CCR8: variants seen among roughly 807,000 people sequenced by gnomAD.
The protein encoded by CCR8 is C-C motif chemokine receptor 8, also known as C-C chemokine receptor type 8.
For synonymous variants in CCR8, 156 were observed against 165.7 expected, an observed-to-expected ratio of 0.94 and a Z score of 0.45; for missense variants, 358 against 417.5, an observed-to-expected ratio of 0.86 and a Z score of 1.24.
intron 1 of CCR8, 150 bp from the exon 2 acceptor site, chr3:39,332,168 C>T (rs1301522759): frequency 1.6e-6 from 1 of 606,168 alleles, no homozygotes; most frequent in Non-Finnish European, 2.9e-6. Context: ...TAGTCTCACC[C>T]ACTCCAAATA....
At position 39,333,137 on chromosome 3, in the gene CCR8, T is replaced by G; in HGVS notation, c.806T>G (p.Leu269Trp). The G allele has an allele frequency of 6.2e-7, 1 of 1,614,120 alleles. No homozygotes were observed. Among genetic ancestry groups the G allele is most frequent in the Non-Finnish European group, 8.5e-7 (1 of 1,180,006 alleles). Residue 269 changes from leucine to tryptophan, a missense_variant, in exon 2 of 2, where the codon TTG becomes TGG. By Grantham distance (61) the Leu-to-Trp change is moderately conservative. Coordinates refer to ENST00000326306, the MANE Select transcript of CCR8 (RefSeq NM_005201.4). ...FLTSLHSMHILDGCSISQQLT... is the reference protein window; with the variant it reads ...FLTSLHSMHIWDGCSISQQLT... The stretch of plus-strand genomic sequence containing the variant: ...ACTTCCTTGCACAGTATGCACATCT[T>G]GGATGGATGTAGCATAAGCCAACAG...
At chr3:39,330,343 C>T (rs909250566) in intron 1 of CCR8, among the ~76,000 whole-genome samples, 1 of 152,104 alleles carries the variant, frequency 6.6e-6, no homozygotes, top group African/African-American at 2.4e-5. Flanking sequence ...ATCACACCTG[C>T]GTATAACTAC....
At position 39,333,674 on chromosome 3, in the gene CCR8, T is replaced by A. The variant is rs1185276953; in HGVS notation, c.*275T>A. ...GAAAAAAAAAGATGTCTGACCTCCT[T>A]ACATATGCAAAAATATACCTTCAGA... is the stretch of plus-strand genomic sequence containing the variant. On this transcript the variant is annotated 3_prime_UTR_variant, in exon 2 of 2. Transcript: ENST00000326306. Among the ~76,000 whole-genome samples the A allele has an allele frequency of 6.6e-6, 1 of 152,116 alleles. No homozygotes were observed. Among genetic ancestry groups the A allele is most frequent in the African/African-American group, 2.4e-5 (1 of 41,398 alleles).
intron 1 of CCR8, among the ~76,000 whole-genome samples, chr3:39,331,056 G>T (rs2041251376): frequency 6.6e-6 from 1 of 151,888 alleles, no homozygotes; most frequent in Non-Finnish European, 1.5e-5. Context: ...GAGAAAAAAA[G>T]AAGGAAGGAA....
In CCR8 at chr3:39,332,961, A is replaced by T. The variant is rs777357500; in HGVS notation, c.630A>T (p.Pro210=). 3.7e-6 allele frequency: 6 copies of T among 1,614,140 alleles called. No homozygotes were observed. Among genetic ancestry groups the T allele is most frequent in the Non-Finnish European group, 5.1e-6 (6 of 1,180,000 alleles). The stretch of plus-strand genomic sequence containing the variant: ...TGAACATTTTAGGCTTGTTGATCCC[A>T]TTCACCATCTTTATGTTCTGCTACA... The part of the protein sequence containing the change: ...FKMNILGLLI[P]FTIFMFCYIK... Residue 210 remains proline, a synonymous_variant, in exon 2 of 2, where the codon CCA becomes CCT. Transcript: ENST00000326306.
chr3:39,332,625 G>A lies in CCR8; in HGVS notation c.294G>A (p.Gln98=). The part of the protein sequence containing the change: ...FPFQTYYLLD[Q]WVFGTVMCKV... ...TTCAGACCTACTATCTGCTGGACCA[G>A]TGGGTGTTTGGGACTGTAATGTGCA... Residue 98 remains glutamine, a synonymous_variant, in exon 2 of 2, where the codon CAG becomes CAA. Coordinates refer to ENST00000326306, the MANE Select transcript of CCR8 (RefSeq NM_005201.4). 1.2e-6 allele frequency: 2 copies of A among 1,614,162 alleles called. No homozygotes were observed. Among genetic ancestry groups the A allele is most frequent in the Non-Finnish European group, 1.7e-6 (2 of 1,180,020 alleles).
At chr3:39,330,318 A>G (rs558194218) in intron 1 of CCR8, among the ~76,000 whole-genome samples, 1 of 152,330 alleles carries the variant, frequency 6.6e-6, no homozygotes, top group Non-Finnish European at 1.5e-5. Context: ...CCCAGAAGTC[A>G]GGGCTTTGTG....
Position 39,333,641 on chromosome 3 carries a change from T to C in CCR8, c.*242T>C, listed in dbSNP as rs2041273981. The C allele has an allele frequency of 1.0e-5, 5 of 486,512 alleles. No homozygotes were observed. The highest frequency in any genetic ancestry group is 1.5e-5 in the Non-Finnish European group (4 of 266,954). 30.1% of individuals were successfully genotyped at this position (486,512 alleles called of 1,614,324 possible). A position where few individuals can be genotyped will look rare whatever the true frequency, so the allele number is the denominator to read the frequency against. On this transcript the variant is annotated 3_prime_UTR_variant, in exon 2 of 2. Coordinates refer to ENST00000326306, the MANE Select transcript of CCR8 (RefSeq NM_005201.4). ...AGTGGTAACTTTAAAGGATTCTGTATGCCAAGTGAAAAAAAAAGATGTCTG... is the reference window on the plus strand; with the variant it reads ...AGTGGTAACTTTAAAGGATTCTGTACGCCAAGTGAAAAAAAAAGATGTCTG...
intron 1 of CCR8, among the ~76,000 whole-genome samples, chr3:39,331,572 T>C (rs1213944176): frequency 2.6e-5 from 4 of 151,910 alleles, no homozygotes; most frequent in African/African-American, 9.7e-5. Flanking sequence ...GTTCAAGAAA[T>C]TGTCGTGCCT....
chr3:39,331,535 C>T (rs980840029), intron 1 of CCR8, among the ~76,000 whole-genome samples: 2 of 151,990 alleles, frequency 1.3e-5, no homozygotes, highest in Non-Finnish European at 2.9e-5. Flanking sequence ...GGCTTGATCT[C>T]GAGTCATTGC....
In CCR8 at chr3:39,332,769, G is replaced by A. The variant is rs756158083; in HGVS notation, c.438G>A (p.Thr146=). Reference sequence around the variant, plus strand: ...CCGTGTATGCCCTAAAGGTGAGGACGATCAGGATGGGCACAACGCTGTGCC... The same window carrying A: ...CCGTGTATGCCCTAAAGGTGAGGACAATCAGGATGGGCACAACGCTGTGCC... The part of the protein sequence containing the change: ...VHAVYALKVR[T]IRMGTTLCLA... Residue 146 remains threonine, a synonymous_variant, in exon 2 of 2, where the codon ACG becomes ACA. Transcript: ENST00000326306. The A allele has an allele frequency of 8.7e-6, 14 of 1,614,028 alleles. No homozygotes were observed. Among genetic ancestry groups the A allele is most frequent in the African/African-American group, 2.7e-5 (2 of 74,914 alleles).
intron 1 of CCR8, among the ~76,000 whole-genome samples, chr3:39,330,736 A>C (rs1302092124): frequency 6.6e-6 from 1 of 152,186 alleles, no homozygotes; most frequent in African/African-American, 2.4e-5. Flanking sequence ...ATGCAGATAT[A>C]TCTCTAAAAC....
Position 39,332,310 on chromosome 3 carries a change from G to A in CCR8, c.-14-8G>A, listed in dbSNP as rs1004665543. ...GAGTGAATGTCTTTTATGTGTCTCT[G>A]TGACCAGGTCCCGCTGCCTTGATGG... is the stretch of plus-strand genomic sequence containing the variant. On this transcript the variant is annotated splice_region_variant and splice_polypyrimidine_tract_variant and intron_variant, in intron 1 of 1. Coordinates refer to ENST00000326306, the MANE Select transcript of CCR8 (RefSeq NM_005201.4). The A allele has an allele frequency of 6.7e-7, 1 of 1,497,882 alleles. No homozygotes were observed. The highest frequency in any genetic ancestry group is 9.3e-7 in the Non-Finnish European group (1 of 1,077,958). The allele number at this position is 1,497,882 out of a possible 1,614,324, so 92.8% of individuals were successfully genotyped here. A position where few individuals can be genotyped will look rare whatever the true frequency, so the allele number is the denominator to read the frequency against.
At position 39,332,952 on chromosome 3, in the gene CCR8, G is replaced by A. The variant is rs2041268551; in HGVS notation, c.621G>A (p.Leu207=). 2 of 1,614,146 alleles carry A rather than the reference G, an allele frequency of 1.2e-6. No homozygotes were observed. The highest frequency in any genetic ancestry group is 1.7e-6 in the Non-Finnish European group (2 of 1,180,018). Residue 207 remains leucine (L), a synonymous_variant, in exon 2 of 2, where the codon TTG becomes TTA. Transcript: ENST00000326306. ...ACTTCAAAATGAACATTTTAGGCTT[G>A]TTGATCCCATTCACCATCTTTATGT... is the stretch of plus-strand genomic sequence containing the variant. ...FTNFKMNILG[L]LIPFTIFMFC...
In CCR8 at chr3:39,332,349, C is replaced by T. The variant is rs1323835661; in HGVS notation, c.18C>T (p.Asp6=). 1 of 1,612,414 alleles carries T rather than the reference C, an allele frequency of 6.2e-7. No individual in the cohort carries two copies. The highest frequency in any genetic ancestry group is 8.5e-7 in the Non-Finnish European group (1 of 1,178,666). ...CTGCCTTGATGGATTATACACTTGA[C>T]CTCAGTGTGACAACAGTGACCGACT... MDYTL[D]LSVTTVTDYY... The change falls in exon 2 of 2, where the codon GAC becomes GAT. Residue 6 remains aspartate, a synonymous_variant. Transcript: ENST00000326306.
rs1340073295 is a variant in CCR8 at position 39,333,344 on chromosome 3, C to T, written c.1013C>T (p.Ser338Leu). ...RQMPRESCEK[S>L]SSCQQHSSRS... is the part of the protein sequence containing the mutation. ...ATGCCTAGGGAGAGCTGTGAAAAGT[C>T]ATCATCCTGCCAGCAGCACTCCTCC... is the stretch of plus-strand genomic sequence containing the variant. Residue 338 changes from serine (S) to leucine (L), a missense_variant, in exon 2 of 2, where the codon TCA (serine) becomes TTA (leucine). Physicochemically the swap from Ser to Leu is moderately radical, Grantham distance 145. Coordinates refer to ENST00000326306, the MANE Select transcript of CCR8 (RefSeq NM_005201.4). 2 of 1,614,006 alleles carry T rather than the reference C, an allele frequency of 1.2e-6. No homozygotes were observed. The highest frequency in any genetic ancestry group is 1.3e-5 in the African/African-American group (1 of 75,016).
At position 39,333,186 on chromosome 3, in the gene CCR8, A is replaced by G; in HGVS notation, c.855A>G (p.Thr285=). 6.2e-7 allele frequency: 1 copy of G among 1,614,126 alleles called. No individual in the cohort carries two copies. Among genetic ancestry groups the G allele is most frequent in the Admixed American group, 1.7e-5 (1 of 60,008 alleles). The change falls in exon 2 of 2, where the codon ACA becomes ACG. Residue 285 remains threonine, a synonymous_variant. Transcript: ENST00000326306. ...SQQLTYATHV[T]EIISFTHCCV... Reference sequence around the variant, plus strand: ...AGCTGACTTATGCCACCCATGTCACAGAAATCATTTCCTTTACTCACTGCT... The same window carrying G: ...AGCTGACTTATGCCACCCATGTCACGGAAATCATTTCCTTTACTCACTGCT...
chr3:39,333,358 C>T lies in CCR8; in HGVS notation c.1027C>T (p.Gln343Ter), dbSNP rs2041272132. 1 of 1,613,900 alleles carries T rather than the reference C, an allele frequency of 6.2e-7. No individual in the cohort carries two copies. The highest frequency in any genetic ancestry group is 2.2e-5 in the East Asian group (1 of 44,874). The change falls in exon 2 of 2, where the codon CAG becomes TAG. Residue 343 changes from glutamine (Q) to a stop codon, truncating the protein, a stop_gained. Coordinates refer to ENST00000326306, the MANE Select transcript of CCR8 (RefSeq NM_005201.4). LOFTEE classifies it high-confidence loss of function. ...ESCEKSSSCQ[Q>*]HSSRSSSVDY... ...CTGTGAAAAGTCATCATCCTGCCAG[C>T]AGCACTCCTCCCGTTCCTCCAGCGT...
In CCR8 at chr3:39,333,396, G is replaced by A. The variant is rs749914662; in HGVS notation, c.1065G>A (p.Leu355=). 1 of 1,607,126 alleles carries A rather than the reference G, an allele frequency of 6.2e-7. No individual in the cohort carries two copies. The highest frequency in any genetic ancestry group is 8.5e-7 in the Non-Finnish European group (1 of 1,176,340). The change falls in exon 2 of 2, where the codon TTG becomes TTA. Residue 355 remains leucine (L), a synonymous_variant. Coordinates refer to ENST00000326306, the MANE Select transcript of CCR8 (RefSeq NM_005201.4). ...GTTCCTCCAGCGTAGACTACATTTT[G>A]TGAGGATCAATGAAGACTAAATATA... ...SSRSSSVDYI[L]
Sources: allele counts gnomAD v4.1 joint callset (sites outside exome capture counted in the v4.1 genomes callset), GRCh38; gene constraint gnomAD v4.1.1; transcripts MANE v1.5; gene names NCBI Gene and HGNC (gene_info 2026-07-23, HGNC 2026-07-21).